The following FERMT2 variants were observed in gnomAD, a reference collection of about 807,000 sequenced individuals.
FERMT2 encodes the protein fermitin family homolog 2.
A neutral mutation model predicts 82.7 loss-of-function variants in FERMT2; 15 were observed. The ratio of observed to expected loss-of-function variants is 0.18; its 90% CI spans 0.12 to 0.28. FERMT2 has a LOEUF of 0.28. Among genes scored for constraint, FERMT2 ranks in the 10% least tolerant of loss-of-function variants. FERMT2 has a pLI of 1.00. For missense variants in FERMT2, 645 were observed against 809.4 expected (o/e 0.80, Z 2.46); for synonymous variants, 274 against 271.5 (o/e 1.01, Z -0.09).
chr14:52,935,500 T>C (rs1889795578), intron 2 of FERMT2, among the ~76,000 whole-genome samples: 1 of 152,144 alleles, frequency 6.6e-6, no homozygotes, highest in African/African-American at 2.4e-5. Flanking sequence ...CTGGTATCCT[T>C]AGAAGAAGAG....
intron 2 of FERMT2, among the ~76,000 whole-genome samples, chr14:52,933,034 A>C (rs546392616): frequency 9.8e-5 from 15 of 152,310 alleles, no homozygotes; most frequent in Middle Eastern, 3.4e-3. Flanking sequence ...ACAAAAAAAA[A>C]CACTGGCGAT....
intron 2 of FERMT2, among the ~76,000 whole-genome samples, chr14:52,934,263 TCTTA>T (rs943808192): frequency 8.6e-5 from 13 of 151,994 alleles, no homozygotes; most frequent in African/African-American, 3.1e-4. Context: ...CATTAAAAAC[TCTTA>T]CTGTTGATTA....
At chr14:52,906,945 T>C (rs1048190357) in intron 3 of FERMT2, among the ~76,000 whole-genome samples, 5 of 25,488 alleles carry the variant, frequency 2.0e-4, no homozygotes, top group Non-Finnish European at 3.1e-4. Flanking sequence ...ACATCAATTA[T>C]TGGGGGGGGG....
At chr14:52,943,202 C>T (rs984463519) in intron 2 of FERMT2, among the ~76,000 whole-genome samples, 1 of 126,094 alleles carries the variant, frequency 7.9e-6, no homozygotes, top group Non-Finnish European at 1.6e-5. Flanking sequence ...GAGCAAAACT[C>T]TGTCTCAAAA....
intron 3 of FERMT2, among the ~76,000 whole-genome samples, chr14:52,902,413 A>G (rs1566740177): frequency 2.0e-5 from 3 of 151,448 alleles, no homozygotes; most frequent in East Asian, 1.9e-4. Flanking sequence ...ACAAAAAAAA[A>G]AGAGAGAGAG....
At position 52,878,696 on chromosome 14, in the gene FERMT2, C is replaced by A; in HGVS notation, c.856-7G>T. On this transcript the variant is annotated splice_region_variant and splice_polypyrimidine_tract_variant and intron_variant, in intron 6 of 14. Coordinates refer to ENST00000341590, the MANE Select transcript of FERMT2 (RefSeq NM_006832.3). ...TGATTCTGATTGCATCATACTGCAA[C>A]AAGAGAAATAGTTCTTTTGTAATAT... The A allele has an allele frequency of 7.0e-7, 1 of 1,434,226 alleles. No individual in the cohort carries two copies. The highest frequency in any genetic ancestry group is 9.6e-7 in the Non-Finnish European group (1 of 1,038,752). 88.8% of individuals were successfully genotyped at this position (1,434,226 alleles called of 1,614,324 possible).
At chr14:52,917,642 TAA>T (rs1888688306) in intron 3 of FERMT2, among the ~76,000 whole-genome samples, 1 of 152,124 alleles carries the variant, frequency 6.6e-6, no homozygotes, top group Non-Finnish European at 1.5e-5. Flanking sequence ...AAAAGATATT[TAA>T]AAATTGTAGG....
At chr14:52,922,175 TGCA>T (rs1888991860) in intron 2 of FERMT2, among the ~76,000 whole-genome samples, 1 of 152,206 alleles carries the variant, frequency 6.6e-6, no homozygotes, top group Non-Finnish European at 1.5e-5. Flanking sequence ...TGTGAGCACC[TGCA>T]GTTCAGTCCT....
chr14:52,947,044 A>G (rs1025508802), intron 2 of FERMT2, among the ~76,000 whole-genome samples: 1 of 152,204 alleles, frequency 6.6e-6, no homozygotes, highest in Non-Finnish European at 1.5e-5. Flanking sequence ...TTATTTATGA[A>G]GTATCAGCCT....
intron 12 of FERMT2, among the ~76,000 whole-genome samples, chr14:52,863,855 AAATT>A (rs1885102979): frequency 2.0e-5 from 3 of 152,214 alleles, no homozygotes; most frequent in Admixed American, 2.0e-4. Context: ...AAAATTAAAT[AAATT>A]AAGGAACACA....
At chr14:52,885,682 T>C (rs1886556823) in intron 4 of FERMT2, among the ~76,000 whole-genome samples, 1 of 152,176 alleles carries the variant, frequency 6.6e-6, no homozygotes, top group South Asian at 2.1e-4. Flanking sequence ...AAACCCGATA[T>C]AATCAAACAA....
At chr14:52,914,159 T>G (rs2139622420) in intron 3 of FERMT2, among the ~76,000 whole-genome samples, 1 of 151,666 alleles carries the variant, frequency 6.6e-6, no homozygotes, top group South Asian at 2.1e-4. Context: ...GCACAGAAGT[T>G]AAAGACCAGC....
intron 3 of FERMT2, among the ~76,000 whole-genome samples, chr14:52,895,465 T>A (rs1463969863): frequency 2.6e-5 from 4 of 152,216 alleles, no homozygotes; most frequent in Admixed American, 6.5e-5. Context: ...AAACCAACGG[T>A]ATACTACTTA....
rs148593824 is a variant in FERMT2, at chr14:52,919,082, C to T, written c.391+41G>A. 58 of 1,396,128 alleles carry T rather than the reference C, an allele frequency of 4.2e-5. 1 individual carries two copies. In the East Asian group the frequency reaches 1.3e-3, roughly 32 times the overall value. The allele number at this position is 1,396,128 out of a possible 1,614,324, so 86.5% of individuals were successfully genotyped here. A position where few individuals can be genotyped will look rare whatever the true frequency, so the allele number is the denominator to read the frequency against. ...TGTCAGTCATCGGTCATCTGTACAT[C>T]ACATAACTCGTATTTTAAGAAGAAT... On this transcript the variant is annotated intron_variant, in intron 3 of 14. Coordinates refer to ENST00000341590, the MANE Select transcript of FERMT2 (RefSeq NM_006832.3).
intron 2 of FERMT2, among the ~76,000 whole-genome samples, chr14:52,926,382 G>A (rs1889273777): frequency 6.7e-6 from 1 of 149,984 alleles, no homozygotes; most frequent in African/African-American, 2.5e-5. Context: ...TGGCAGGCTT[G>A]GTATTTCAAA....
chr14:52,919,701 G>C (rs1346581274), intron 2 of FERMT2, among the ~76,000 whole-genome samples: 2 of 152,206 alleles, frequency 1.3e-5, no homozygotes, highest in Non-Finnish European at 2.9e-5. Context: ...GAGTTGGTGG[G>C]CTTGGAACTC....
At chr14:52,866,062 C>T (rs551002967) in intron 10 of FERMT2, among the ~76,000 whole-genome samples, 22 of 152,262 alleles carry the variant, frequency 1.4e-4, no homozygotes, top group African/African-American at 5.3e-4. Flanking sequence ...ATCTTTTGCA[C>T]AAATATCATT....
At chr14:52,934,987 T>C (rs1189392870) in intron 2 of FERMT2, among the ~76,000 whole-genome samples, 2 of 152,236 alleles carry the variant, frequency 1.3e-5, no homozygotes, top group Non-Finnish European at 2.9e-5. Flanking sequence ...GTTATTTACA[T>C]AGTGCTTTGT....
Position 52,858,209 on chromosome 14 carries a change from T to TAATA in FERMT2, c.*164_*167dup, listed in dbSNP as rs1193336042. On this transcript the variant is annotated 3_prime_UTR_variant, in exon 15 of 15. Coordinates refer to ENST00000341590, the MANE Select transcript of FERMT2 (RefSeq NM_006832.3). ...TTTATTATATCATAACATGATAGAT[T>TAATA]AATAGTCGTGCTTGTTTAGTGCACA... 1 of 591,930 alleles carries TAATA rather than the reference T, an allele frequency of 1.7e-6. No homozygotes were observed. The highest frequency in any genetic ancestry group is 1.9e-5 in the African/African-American group (1 of 53,812). The allele number at this position is 591,930 out of a possible 1,614,324, so 36.7% of individuals were successfully genotyped here.
Sources: allele counts gnomAD v4.1 joint callset (sites outside exome capture counted in the v4.1 genomes callset), GRCh38; gene constraint gnomAD v4.1.1; transcripts MANE v1.5; gene names NCBI Gene and HGNC (gene_info 2026-07-23, HGNC 2026-07-21).